The following TANGO2 variants were observed in gnomAD, a reference collection of about 807,000 sequenced individuals.
The protein encoded by TANGO2 is transport and golgi organization 2 homolog.
TANGO2 carries 26 observed loss-of-function variants against 39.1 expected under a neutral mutation model. That is an observed-to-expected ratio of 0.67 (90% confidence interval 0.49 to 0.92). The LOEUF is 0.92. Among genes scored for constraint, TANGO2 ranks in the 40% least tolerant of loss-of-function variants. The pLI is 0.00. For synonymous variants in TANGO2, 131 were observed against 144.5 expected, an observed-to-expected ratio of 0.91 and a Z score of 0.67; for missense variants, 326 against 360.1, an observed-to-expected ratio of 0.91 and a Z score of 0.77.
rs1491392177 is a variant in TANGO2, at chr22:20,065,895, GAT to G, written c.*1235_*1236del. On this transcript the variant is annotated 3_prime_UTR_variant, in exon 9 of 9. Transcript: ENST00000327374. ...AATCTGTACCTGAATGTGAGCTCCT[GAT>G]AATAAAACTCTGAGGCTTTGGTGAG... The G allele has an allele frequency of 5.9e-5, 9 of 152,340 alleles. No individual in the cohort carries two copies. Among genetic ancestry groups the G allele is most frequent in the Non-Finnish European group, 4.4e-5 (3 of 68,134 alleles). The allele number at this position is 152,340 out of a possible 1,614,324, so 9.4% of individuals were successfully genotyped here. A position where few individuals can be genotyped will look rare whatever the true frequency, so the allele number is the denominator to read the frequency against.
At chr22:20,020,747 C>T (rs2039517277), upstream of TANGO2, among the ~76,000 whole-genome samples, 1 of 152,082 alleles carries the variant, frequency 6.6e-6, no homozygotes, top group Admixed American at 6.5e-5. Flanking sequence ...CGGAAGTGAG[C>T]ATTCCTGTAC....
At chr22:20,038,380 C>T (rs1425884281) in intron 2 of TANGO2, among the ~76,000 whole-genome samples, 2 of 152,204 alleles carry the variant, frequency 1.3e-5, no homozygotes, top group Admixed American at 6.5e-5. Flanking sequence ...GCTCTGTATG[C>T]GTTTCAGGGC....
chr22:20,042,526 G>C (rs980660765), intron 2 of TANGO2, among the ~76,000 whole-genome samples: 16 of 152,180 alleles, frequency 1.1e-4, no homozygotes, highest in African/African-American at 3.9e-4. Flanking sequence ...CCGCCTCGGA[G>C]GCCGAGGCGG....
At chr22:20,050,360 T>G (rs1417142901) in intron 3 of TANGO2, among the ~76,000 whole-genome samples, 3 of 123,448 alleles carry the variant, frequency 2.4e-5, no homozygotes, top group Non-Finnish European at 5.0e-5. Flanking sequence ...TCCTGGTGGT[T>G]TTTTTTTTTT....
intron 1 of TANGO2, among the ~76,000 whole-genome samples, chr22:20,027,573 C>G (rs1220098333): frequency 6.6e-6 from 1 of 151,916 alleles, no homozygotes; most frequent in African/African-American, 2.4e-5. Flanking sequence ...GTTAAGAACA[C>G]TCTGGCGCCA....
At chr22:20,042,856 C>G (rs1215330263) in intron 2 of TANGO2, among the ~76,000 whole-genome samples, 1 of 152,176 alleles carries the variant, frequency 6.6e-6, no homozygotes, top group Admixed American at 6.5e-5. Flanking sequence ...CACTCCCAAC[C>G]AACCCGAGAA....
At chr22:20,052,844 G>A (rs532236030) in intron 4 of TANGO2, among the ~76,000 whole-genome samples, 1 of 152,234 alleles carries the variant, frequency 6.6e-6, no homozygotes, top group African/African-American at 2.4e-5. Context: ...ACAAGAAGGG[G>A]GAAGCTGGGC....
chr22:20,052,698 G>A (rs2046603241), intron 4 of TANGO2, 114 bp downstream of exon 4: 10 of 1,362,256 alleles, frequency 7.3e-6, no homozygotes, highest in East Asian at 2.5e-5. Flanking sequence ...GGAGTGGGGC[G>A]GGCCAAGGTA....
chr22:20,033,127 C>T (rs778716993), intron 1 of TANGO2: 2 of 485,766 alleles, frequency 4.1e-6, no homozygotes, highest in Admixed American at 4.8e-5. Flanking sequence ...GGGCAGTGGG[C>T]CTGGCTCGAG....
At chr22:20,021,273 C>A (rs2039605633) in intron 1 of TANGO2, 27 bp downstream of exon 1, 1 of 152,358 alleles carries the variant, frequency 6.6e-6, no homozygotes, top group South Asian at 2.1e-4. Flanking sequence ...CACTTCCTCA[C>A]CCTGCCTCAG....
At chr22:20,020,850 TGCAG>T (rs2039525415), upstream of TANGO2, among the ~76,000 whole-genome samples, 1 of 152,054 alleles carries the variant, frequency 6.6e-6, no homozygotes, top group African/African-American at 2.4e-5. Context: ...ATGGCGTCCC[TGCAG>T]GCAGGGAGCC....
intron 1 of TANGO2, among the ~76,000 whole-genome samples, chr22:20,034,471 T>G (rs2147013245): frequency 6.6e-6 from 1 of 152,350 alleles, no homozygotes; most frequent in African/African-American, 2.4e-5. Context: ...GGTATCTTTC[T>G]CCAGAGAGAA....
chr22:20,051,581 G>A (rs903073277), intron 3 of TANGO2, among the ~76,000 whole-genome samples: 7 of 152,188 alleles, frequency 4.6e-5, no homozygotes, highest in Non-Finnish European at 1.0e-4. Context: ...AGCCAGTGCA[G>A]TGGCTCACTC....
intron 2 of TANGO2, among the ~76,000 whole-genome samples, chr22:20,041,392 A>G (rs1260917554): frequency 1.4e-5 from 2 of 140,224 alleles, no homozygotes; most frequent in Non-Finnish European, 3.0e-5. Flanking sequence ...GGCTCACTGC[A>G]AACTCTGCCT....
intron 5 of TANGO2, chr22:20,055,113 C>T (rs1041719340): frequency 3.3e-5 from 5 of 152,200 alleles, no homozygotes; most frequent in African/African-American, 1.2e-4. Context: ...TCTGTTCCAT[C>T]TTGAAGGCCC....
chr22:20,035,121 A>G lies in TANGO2; in HGVS notation c.-39-1639A>G, dbSNP rs146429812. ...AACACACCCTTTAGCTTCCCATCCT[A>G]TGCAGAGTGGTGGCCAGCAGACCAT... On this transcript the variant is annotated intron_variant, in intron 1 of 8. Coordinates refer to ENST00000327374, the MANE Select transcript of TANGO2 (RefSeq NM_152906.7). 6.2e-3 allele frequency among the ~76,000 whole-genome samples: 949 copies of G among 152,296 alleles called. 11 individuals are homozygous for G. The highest frequency in any genetic ancestry group is 0.021 in the African/African-American group (880 of 41,556).
intron 1 of TANGO2, among the ~76,000 whole-genome samples, chr22:20,027,206 C>CCG (rs1362765758): frequency 6.6e-6 from 1 of 152,028 alleles, no homozygotes; most frequent in Non-Finnish European, 1.5e-5. Context: ...TGTACAGCAC[C>CCG]GGGGGGGATG....
At chr22:20,029,805 C>T (rs1330937370) in intron 1 of TANGO2, among the ~76,000 whole-genome samples, 1 of 152,206 alleles carries the variant, frequency 6.6e-6, no homozygotes, top group Non-Finnish European at 1.5e-5. Context: ...CTGTGCATGT[C>T]CCCTGGGCAT....
chr22:20,063,115 C>T (rs1446182058), intron 7 of TANGO2: 6 of 508,584 alleles, frequency 1.2e-5, no homozygotes, highest in African/African-American at 1.2e-4. Flanking sequence ...AAGATCGTAC[C>T]ATTGCGCTCT....
Sources: allele counts gnomAD v4.1 joint callset (sites outside exome capture counted in the v4.1 genomes callset), GRCh38; gene constraint gnomAD v4.1.1; transcripts MANE v1.5; gene names NCBI Gene and HGNC (gene_info 2026-07-23, HGNC 2026-07-21).